Variants in TMEM68 observed in about 807,000 individuals in gnomAD.
The protein encoded by TMEM68 is DGAT1/2-independent enzyme synthesizing storage lipids.
TMEM68 carries 25 observed loss-of-function variants against 36.9 expected under a neutral mutation model. That is an observed-to-expected ratio of 0.68 (90% CI 0.49 to 0.95). TMEM68 has a LOEUF of 0.95. TMEM68 is among the 40% of genes least tolerant of loss of function. The pLI is 0.00. For missense variants in TMEM68, 333 were observed against 392.0 expected (o/e 0.85, Z 1.27); for synonymous variants, 131 against 124.4 (o/e 1.05, Z -0.35).
At chr8:55,765,215 T>C (rs1215374020) in intron 1 of TMEM68, among the ~76,000 whole-genome samples, 5 of 152,250 alleles carry the variant, frequency 3.3e-5, no homozygotes, top group Non-Finnish European at 7.3e-5. Context: ...CTACTGGACC[T>C]AGTTTTGTAC....
Position 55,762,707 on chromosome 8 carries a change from A to C in TMEM68, c.253T>G (p.Ser85Ala), listed in dbSNP as rs980351805. The change falls in exon 3 of 8, where the codon TCT (serine) becomes GCT (alanine). Residue 85 changes from serine to alanine, a missense_variant. Transcript: ENST00000434581. ...CTTGCACCATCCCATAAATTATGAGAGTAGGCTTCTTTCAATACATTCTTT... is the reference window on the plus strand; with the variant it reads ...CTTGCACCATCCCATAAATTATGAGCGTAGGCTTCTTTCAATACATTCTTT... ...KRKNVLKEAY[S>A]HNLWDGARKT... 13 of 1,614,224 alleles carry C rather than the reference A, an allele frequency of 8.1e-6. No homozygotes were observed. The East Asian group carries it at 2.9e-4, about 36-fold the overall frequency.
intron 1 of TMEM68, among the ~76,000 whole-genome samples, chr8:55,766,786 TAC>T (rs1227220218): frequency 1.3e-5 from 2 of 152,134 alleles, no homozygotes; most frequent in Non-Finnish European, 2.9e-5. Flanking sequence ...GAGAATATAC[TAC>T]ACAGGCAGCA....
chr8:55,741,730 ACT>A (rs1417618756), intron 7 of TMEM68, among the ~76,000 whole-genome samples: 1 of 152,194 alleles, frequency 6.6e-6, no homozygotes, highest in Non-Finnish European at 1.5e-5. Flanking sequence ...CAGGAAAACC[ACT>A]GTGTAAGGAA....
chr8:55,751,238 T>C (rs137879996), intron 4 of TMEM68, 81 bp from the exon 5 acceptor site: 3 of 1,235,624 alleles, frequency 2.4e-6, no homozygotes, highest in Admixed American at 2.4e-5. Flanking sequence ...ACAAACTACA[T>C]AGTGTACTAT....
intron 6 of TMEM68, among the ~76,000 whole-genome samples, chr8:55,743,957 TA>T (rs1245203805): frequency 1.3e-5 from 2 of 151,944 alleles, no homozygotes; most frequent in Non-Finnish European, 2.9e-5. Context: ...CAAAAATAAG[TA>T]AACAATGAAT....
At chr8:55,752,322 TC>T (rs1810445264) in intron 4 of TMEM68, among the ~76,000 whole-genome samples, 1 of 152,036 alleles carries the variant, frequency 6.6e-6, no homozygotes, top group African/African-American at 2.4e-5. Flanking sequence ...GTGTGGTGGT[TC>T]ACACCTGTAA....
At chr8:55,757,275 A>G (rs1460830687) in intron 3 of TMEM68, among the ~76,000 whole-genome samples, 1 of 152,204 alleles carries the variant, frequency 6.6e-6, no homozygotes, top group Admixed American at 6.5e-5. Flanking sequence ...AAACCCCTCT[A>G]AGGAAAGACA....
At chr8:55,744,770 T>C (rs909830123) in intron 6 of TMEM68, among the ~76,000 whole-genome samples, 1 of 152,216 alleles carries the variant, frequency 6.6e-6, no homozygotes, top group African/African-American at 2.4e-5. Flanking sequence ...TGTAAATGTA[T>C]TCTAAACCTT....
At chr8:55,769,040 A>AAAAAAAAAAAAAAAAAAAAC in intron 1 of TMEM68, among the ~76,000 whole-genome samples, 1 of 147,280 alleles carries the variant, frequency 6.8e-6, no homozygotes, top group Non-Finnish European at 1.5e-5. Flanking sequence ...AAAAAAAAAA[A>AAAAAAAAAAAAAAAAAAAAC]AGGGCCAGGC....
intron 1 of TMEM68, among the ~76,000 whole-genome samples, chr8:55,768,434 GCCAGGCATGGT>G (rs925436628): frequency 6.6e-6 from 1 of 152,118 alleles, no homozygotes; most frequent in Non-Finnish European, 1.5e-5. Context: ...TAAGACAGAG[GCCAGGCATGGT>G]AACTCACACC....
intron 4 of TMEM68, among the ~76,000 whole-genome samples, chr8:55,754,839 G>A (rs13262419): frequency 2.4e-5 from 3 of 122,594 alleles, no homozygotes; most frequent in Non-Finnish European, 3.3e-5. Context: ...CATATATTAT[G>A]TAATATATAT....
chr8:55,762,427 G>T, intron 3 of TMEM68: 2 of 917,722 alleles, frequency 2.2e-6, no homozygotes, highest in Non-Finnish European at 3.1e-6. Context: ...GTGGTTCTTT[G>T]TTTAATGGAA....
At chr8:55,752,279 A>G (rs1810444216) in intron 4 of TMEM68, among the ~76,000 whole-genome samples, 1 of 152,058 alleles carries the variant, frequency 6.6e-6, no homozygotes, top group African/African-American at 2.4e-5. Context: ...AAGTTTATAA[A>G]TAGCATTAAG....
At chr8:55,760,388 C>T (rs1358436587) in intron 3 of TMEM68, among the ~76,000 whole-genome samples, 1 of 152,080 alleles carries the variant, frequency 6.6e-6, no homozygotes, top group African/African-American at 2.4e-5. Flanking sequence ...AGTGAGCATC[C>T]AGAGATCAAG....
chr8:55,747,273 A>G (rs1290161280), intron 5 of TMEM68: 2 of 152,166 alleles, frequency 1.3e-5, no homozygotes, highest in African/African-American at 4.8e-5. Context: ...GAGGCAGGAG[A>G]ATCACCTGAA....
Position 55,773,318 on chromosome 8 carries a change from G to A in TMEM68, c.-164C>T, listed in dbSNP as rs571368680. On this transcript the variant is annotated 5_prime_UTR_variant, in exon 1 of 8. Coordinates refer to ENST00000434581, the MANE Select transcript of TMEM68 (RefSeq NM_001286657.2). ...CGGGGGATCAGTGGCCAAGGGGGCG[G>A]ACAGATTTGCACGGCGGATTCCTCC... 32 of 270,272 alleles carry A rather than the reference G, an allele frequency of 1.2e-4. No homozygotes were observed. Among genetic ancestry groups the A allele is most frequent in the African/African-American group, 6.9e-4 (31 of 45,184 alleles). The allele number at this position is 270,272 out of a possible 1,614,324, so 16.7% of individuals were successfully genotyped here.
At position 55,740,053 on chromosome 8, in the gene TMEM68, C is replaced by G; in HGVS notation, c.*79G>C. 8.6e-7 allele frequency: 1 copy of G among 1,159,800 alleles called. No individual in the cohort carries two copies. Among genetic ancestry groups the G allele is most frequent in the Non-Finnish European group, 1.2e-6 (1 of 814,620 alleles). 71.8% of individuals were successfully genotyped at this position (1,159,800 alleles called of 1,614,324 possible). A position where few individuals can be genotyped will look rare whatever the true frequency, so the allele number is the denominator to read the frequency against. On this transcript the variant is annotated 3_prime_UTR_variant, in exon 8 of 8. Transcript: ENST00000434581. ...TAAAAAATACTAATTATAGGACCTA[C>G]AAAATTCAGAAGACAGTACCTTAGA...
chr8:55,758,585 CT>C lies in TMEM68; in HGVS notation c.326-2175del, dbSNP rs1810679486. The stretch of plus-strand genomic sequence containing the variant: ...ACTTTGGGAGACTGAGATGGTAGGA[CT>C]TTTGAGCCCAAGAGTTAGAGATCAG... On this transcript the variant is annotated intron_variant, in intron 3 of 7. Transcript: ENST00000434581. 6.6e-5 allele frequency among the ~76,000 whole-genome samples: 10 copies of C among 152,336 alleles called. No individual in the cohort carries two copies. In the South Asian group the frequency reaches 2.1e-3, roughly 32 times the overall value.
In TMEM68 at chr8:55,740,222, T is replaced by C. The variant is rs774769892; in HGVS notation, c.889-4A>G. On this transcript the variant is annotated splice_region_variant and splice_polypyrimidine_tract_variant and intron_variant, in intron 7 of 7. Coordinates refer to ENST00000434581, the MANE Select transcript of TMEM68 (RefSeq NM_001286657.2). ...AAGCTTGAACAGCATTCTTCGTCTA[T>C]TAAGAAAACAAAAGAAAAGCTATTG... is the stretch of plus-strand genomic sequence containing the variant. 1 of 1,610,492 alleles carries C rather than the reference T, an allele frequency of 6.2e-7. No individual in the cohort carries two copies. Among genetic ancestry groups the C allele is most frequent in the African/African-American group, 1.3e-5 (1 of 74,924 alleles).
Sources: allele counts gnomAD v4.1 joint callset (sites outside exome capture counted in the v4.1 genomes callset), GRCh38; gene constraint gnomAD v4.1.1; transcripts MANE v1.5; gene names NCBI Gene and HGNC (gene_info 2026-07-23, HGNC 2026-07-21).